Variants in BCKDHB observed in about 807,000 individuals in gnomAD.
BCKDHB encodes branched chain keto acid dehydrogenase E1 subunit beta, also known as 2-oxoisovalerate dehydrogenase subunit beta, mitochondrial.
BCKDHB carries 41 observed loss-of-function variants against 48.5 expected under a neutral mutation model. The ratio of observed to expected loss-of-function variants is 0.85; its 90% CI spans 0.66 to 1.10. BCKDHB has a LOEUF of 1.10. Among genes scored for constraint, BCKDHB ranks in the 50% least tolerant of loss-of-function variants. BCKDHB has a pLI of 0.00. For synonymous variants in BCKDHB, 201 were observed against 174.8 expected (o/e 1.15, Z -1.18); for missense variants, 496 against 494.2 (o/e 1.00, Z -0.03).
intron 8 of BCKDHB, among the ~76,000 whole-genome samples, chr6:80,246,283 G>T (rs1047977720): frequency 6.6e-6 from 1 of 152,144 alleles, no homozygotes; most frequent in African/African-American, 2.4e-5. Flanking sequence ...GAGAAGGAAG[G>T]TGTCCATCCA....
the BCKDHB span, among the ~76,000 whole-genome samples, chr6:80,443,031 G>A: frequency 6.6e-6 from 1 of 152,118 alleles, no homozygotes; most frequent in Non-Finnish European, 1.5e-5. Flanking sequence ...TCTGAAGCCT[G>A]TTCAGGGTCA....
rs10651030 is a variant in BCKDHB at position 80,197,934 on chromosome 6, TCATCCATC to T, written c.743-2962_743-2955del. 6.7e-3 allele frequency among the ~76,000 whole-genome samples: 992 copies of T among 148,968 alleles called. 6 individuals carry two copies. Among genetic ancestry groups the T allele is most frequent in the African/African-American group, 0.011 (453 of 40,366 alleles). On this transcript the variant is annotated intron_variant, in intron 6 of 9. Transcript: ENST00000320393. The stretch of plus-strand genomic sequence containing the variant: ...CCCGTCCATTGATCTATCCATCTGT[TCATCCATC>T]CATCCATCCATCCATCCATCCATCC...
At chr6:80,180,982 A>G (rs1464694094) in intron 6 of BCKDHB, among the ~76,000 whole-genome samples, 1 of 152,184 alleles carries the variant, frequency 6.6e-6, no homozygotes, top group Non-Finnish European at 1.5e-5. Context: ...GATAGCTTCT[A>G]ATAAAAAATA....
the BCKDHB span, among the ~76,000 whole-genome samples, chr6:80,395,197 A>G: frequency 1.3e-5 from 2 of 152,196 alleles, no homozygotes; most frequent in Non-Finnish European, 1.5e-5. Flanking sequence ...CAAGTTTGGA[A>G]CTGGATAACA....
intron 3 of BCKDHB, among the ~76,000 whole-genome samples, chr6:80,163,013 C>T (rs946601348): frequency 5.3e-5 from 8 of 151,770 alleles, no homozygotes; most frequent in African/African-American, 1.7e-4. Context: ...GCCTTGACCT[C>T]CTGGGTTCAA....
At chr6:80,239,318 A>G (rs952769256) in intron 8 of BCKDHB, among the ~76,000 whole-genome samples, 5 of 151,972 alleles carry the variant, frequency 3.3e-5, no homozygotes, top group East Asian at 3.9e-4. Context: ...TGATATCTCA[A>G]TGTGGTTTTG....
intron 9 of BCKDHB, among the ~76,000 whole-genome samples, chr6:80,289,812 T>A (rs1218262162): frequency 6.6e-6 from 1 of 152,122 alleles, no homozygotes; most frequent in Non-Finnish European, 1.5e-5. Context: ...TTTCGTGCAC[T>A]GGGGAGCTCC....
intron 8 of BCKDHB, among the ~76,000 whole-genome samples, chr6:80,269,796 G>C (rs893519980): frequency 6.6e-6 from 1 of 151,934 alleles, no homozygotes; most frequent in East Asian, 1.9e-4. Context: ...TATTAGCATT[G>C]TATCTACAAT....
At position 80,127,638 on chromosome 6, in the gene BCKDHB, G is replaced by A. The variant is rs1770415510; in HGVS notation, c.274+14G>A. The A allele has an allele frequency of 2.5e-6, 4 of 1,601,726 alleles. No individual in the cohort carries two copies. The East Asian group carries it at 8.9e-5, about 36-fold the overall frequency. On this transcript the variant is annotated intron_variant, in intron 2 of 9. Coordinates refer to ENST00000320393, the MANE Select transcript of BCKDHB (RefSeq NM_183050.4). ...ATCCTACTGCAGGTAACCCTGATAT[G>A]TGCCTGAATTGTGGTAGCTGTGTTA...
At chr6:80,163,695 C>T (rs889776930) in intron 3 of BCKDHB, among the ~76,000 whole-genome samples, 11 of 152,182 alleles carry the variant, frequency 7.2e-5, no homozygotes, top group African/African-American at 2.7e-4. Context: ...TAATTGATAG[C>T]TCTACCTGAA....
chr6:80,162,731 A>T (rs1772378059), intron 3 of BCKDHB, among the ~76,000 whole-genome samples: 1 of 152,030 alleles, frequency 6.6e-6, no homozygotes, highest in Non-Finnish European at 1.5e-5. Context: ...GGCGCCTGTA[A>T]TCCCAGCTAC....
chr6:80,320,671 G>C (rs530577262), intron 9 of BCKDHB, among the ~76,000 whole-genome samples: 58 of 152,182 alleles, frequency 3.8e-4, no homozygotes, highest in African/African-American at 1.3e-3. Flanking sequence ...TATTTGCATA[G>C]TCATAAAATT....
intron 1 of BCKDHB, among the ~76,000 whole-genome samples, chr6:80,107,447 A>G (rs555839222): frequency 0.014 from 1,743 of 126,176 alleles, 31 homozygotes; most frequent in African/African-American, 0.051. Flanking sequence ...GTGTGTGTGT[A>G]TATATCCACA....
chr6:80,314,950 G>A (rs1355176403), intron 9 of BCKDHB, among the ~76,000 whole-genome samples: 3 of 152,154 alleles, frequency 2.0e-5, no homozygotes, highest in Admixed American at 6.5e-5. Context: ...CAAAGCCCAC[G>A]GGCTGGAATG....
Position 80,171,309 on chromosome 6 carries a change from G to A in BCKDHB, c.661G>A (p.Ala221Thr), listed in dbSNP as rs1258111524. 4 of 1,608,510 alleles carry A rather than the reference G, an allele frequency of 2.5e-6. No homozygotes were observed. Among genetic ancestry groups the A allele is most frequent in the Non-Finnish European group, 3.4e-6 (4 of 1,177,492 alleles). ...KVVIPRSPFQAKGLLLSCIED... is the reference protein window; with the variant it reads ...KVVIPRSPFQTKGLLLSCIED... ...GGTTATACCCAGAAGCCCTTTCCAG[G>A]CCAAAGGACTTCTTTTGTCATGCAT... The change falls in exon 6 of 10, where the codon GCC (alanine) becomes ACC (threonine). Residue 221 changes from alanine (A) to threonine (T), a missense_variant. Transcript: ENST00000320393.
chr6:80,151,804 C>CA (rs541369007), intron 3 of BCKDHB, among the ~76,000 whole-genome samples: 2 of 152,164 alleles, frequency 1.3e-5, no homozygotes, highest in Non-Finnish European at 2.9e-5. Flanking sequence ...TAAAGCTAGG[C>CA]AGGTTAATTG....
intron 9 of BCKDHB, among the ~76,000 whole-genome samples, chr6:80,340,307 T>C (rs1377817947): frequency 6.6e-6 from 1 of 152,158 alleles, no homozygotes; most frequent in African/African-American, 2.4e-5. Context: ...TCTTACTGGA[T>C]CCTGGGTGCA....
intron 9 of BCKDHB, among the ~76,000 whole-genome samples, chr6:80,286,153 TAGA>T (rs1314758524): frequency 6.6e-6 from 1 of 152,202 alleles, no homozygotes; most frequent in Non-Finnish European, 1.5e-5. Context: ...CTGTTGCTAC[TAGA>T]AGATATTTGG....
intron 9 of BCKDHB, among the ~76,000 whole-genome samples, chr6:80,295,656 C>T (rs1767196575): frequency 6.7e-6 from 1 of 150,274 alleles, no homozygotes; most frequent in Non-Finnish European, 1.5e-5. Flanking sequence ...ATTGCACTTA[C>T]ACTAATAAGT....
Sources: allele counts gnomAD v4.1 joint callset (sites outside exome capture counted in the v4.1 genomes callset), GRCh38; gene constraint gnomAD v4.1.1; transcripts MANE v1.5; gene names NCBI Gene and HGNC (gene_info 2026-07-23, HGNC 2026-07-21).